Variants in CUL3 observed in about 807,000 individuals in gnomAD.
CUL3 encodes the protein cullin-3.
In CUL3, 19 loss-of-function variants were observed where a neutral mutation model predicts 89.1. The ratio of observed to expected loss-of-function variants is 0.21; its 90% CI spans 0.15 to 0.31. The LOEUF (loss-of-function observed/expected upper bound fraction) is 0.31, where lower values mean the gene tolerates loss of function less well. Among genes scored for constraint, CUL3 ranks in the 10% least tolerant of loss-of-function variants. The pLI is 1.00. For synonymous variants in CUL3, 351 were observed against 308.4 expected, an observed-to-expected ratio of 1.14 and a Z score of -1.45; for missense variants, 469 against 942.3, an observed-to-expected ratio of 0.50 and a Z score of 6.58.
chr2:224,550,448 C>G (rs1694473067), intron 2 of CUL3, among the ~76,000 whole-genome samples: 1 of 152,152 alleles, frequency 6.6e-6, no homozygotes, highest in African/African-American at 2.4e-5. Context: ...TAGGGATGTT[C>G]AACCTGTACC....
chr2:224,497,627 C>T (rs941954482), intron 12 of CUL3, 126 bp downstream of exon 12: 2 of 677,580 alleles, frequency 3.0e-6, no homozygotes, highest in Non-Finnish European at 4.9e-6. Context: ...GATTTTTAAC[C>T]TTTCTAACAT....
At chr2:224,532,195 A>C (rs923509103) in intron 3 of CUL3, among the ~76,000 whole-genome samples, 3 of 152,164 alleles carry the variant, frequency 2.0e-5, no homozygotes, top group Non-Finnish European at 4.4e-5. Context: ...CTAGAGACAC[A>C]ATTTGGGAAT....
intron 15 of CUL3, among the ~76,000 whole-genome samples, chr2:224,475,420 C>T (rs1400683627): frequency 3.9e-5 from 6 of 152,140 alleles, no homozygotes; most frequent in African/African-American, 1.4e-4. Flanking sequence ...AATAACAGAG[C>T]CAACAGAGAT....
At chr2:224,480,987 G>A (rs1365806697) in intron 14 of CUL3, among the ~76,000 whole-genome samples, 1 of 151,912 alleles carries the variant, frequency 6.6e-6, no homozygotes, top group Non-Finnish European at 1.5e-5. Flanking sequence ...GTATACATAC[G>A]AAACAAAAAG....
chr2:224,540,455 GAA>G (rs1694061786), intron 2 of CUL3, among the ~76,000 whole-genome samples: 1 of 151,236 alleles, frequency 6.6e-6, no homozygotes, highest in African/African-American at 2.4e-5. Flanking sequence ...GAAGAAGAAA[GAA>G]AGAAGAAAGA....
At chr2:224,499,106 A>T (rs955834778) in intron 11 of CUL3, among the ~76,000 whole-genome samples, 6 of 152,256 alleles carry the variant, frequency 3.9e-5, no homozygotes, top group African/African-American at 1.4e-4. Context: ...GTTTCTGTAC[A>T]ACCCACGTCA....
intron 2 of CUL3, among the ~76,000 whole-genome samples, chr2:224,553,399 A>G (rs1244100684): frequency 6.6e-6 from 1 of 152,262 alleles, no homozygotes; most frequent in Non-Finnish European, 1.5e-5. Context: ...GGCAATGATC[A>G]TTAATGACTA....
At chr2:224,478,463 C>T (rs995449466) in intron 14 of CUL3, 118 bp from the exon 15 acceptor site, 8 of 817,708 alleles carry the variant, frequency 9.8e-6, no homozygotes, top group Middle Eastern at 2.4e-4. Flanking sequence ...TCTGAATATA[C>T]ACACTTATTA....
chr2:224,493,643 C>T (rs1692064455), intron 13 of CUL3, among the ~76,000 whole-genome samples: 1 of 152,194 alleles, frequency 6.6e-6, no homozygotes, highest in African/African-American at 2.4e-5. Flanking sequence ...CTAAATTTTC[C>T]AGCAATTCCA....
chr2:224,572,684 A>T (rs1395198640), intron 1 of CUL3, among the ~76,000 whole-genome samples: 2 of 151,018 alleles, frequency 1.3e-5, no homozygotes, highest in African/African-American at 4.9e-5. Context: ...TTAACTCATA[A>T]GGGTAGAACC....
intron 15 of CUL3, among the ~76,000 whole-genome samples, 173 bp downstream of exon 15, chr2:224,478,027 T>G (rs1395753117): frequency 6.6e-6 from 1 of 152,238 alleles, no homozygotes; most frequent in Non-Finnish European, 1.5e-5. Context: ...AGTGTGCACA[T>G]ATTTGGATGT....
At chr2:224,524,393 C>T (rs1003858655) in intron 3 of CUL3, among the ~76,000 whole-genome samples, 1 of 152,158 alleles carries the variant, frequency 6.6e-6, no homozygotes, top group Non-Finnish European at 1.5e-5. Flanking sequence ...TTTACTGATA[C>T]AGCACCCTAA....
intron 15 of CUL3, among the ~76,000 whole-genome samples, chr2:224,477,268 C>T (rs1574608136): frequency 2.0e-5 from 3 of 152,168 alleles, no homozygotes; most frequent in East Asian, 3.8e-4. Flanking sequence ...CTGGTGGAAC[C>T]TAAGGATCTG....
At chr2:224,517,667 A>G (rs575805682) in intron 3 of CUL3, among the ~76,000 whole-genome samples, 2 of 152,330 alleles carry the variant, frequency 1.3e-5, no homozygotes, top group East Asian at 3.9e-4. Context: ...CCCCATTTCA[A>G]AAAGAAAACA....
chr2:224,557,573 G>A, intron 2 of CUL3, 86 bp downstream of exon 2: 1 of 900,222 alleles, frequency 1.1e-6, no homozygotes. Flanking sequence ...CCTTTAAAAA[G>A]AACACTTCCG....
At chr2:224,557,268 C>A (rs1694742211) in intron 2 of CUL3, among the ~76,000 whole-genome samples, 1 of 151,900 alleles carries the variant, frequency 6.6e-6, no homozygotes, top group African/African-American at 2.4e-5. Flanking sequence ...GTTAGTGATC[C>A]ATCTTAGAAA....
At position 224,575,928 on chromosome 2, in the gene CUL3, A is replaced by G. The variant is rs528461192; in HGVS notation, c.66+9016T>C. Among the ~76,000 whole-genome samples, 44 of 152,356 alleles carry G rather than the reference A, an allele frequency of 2.9e-4. 1 individual carries two copies. Among genetic ancestry groups the G allele is most frequent in the Admixed American group, 3.9e-4 (6 of 15,312 alleles). On this transcript the variant is annotated intron_variant, in intron 1 of 15. Coordinates refer to ENST00000264414, the MANE Select transcript of CUL3 (RefSeq NM_003590.5). ...CAGCAACACACAATAAACGTATTTT[A>G]AATTGAATAAATGAATGACTTCCAC...
At chr2:224,497,922 C>A in intron 11 of CUL3, 73 bp from the exon 12 acceptor site, 1 of 1,130,416 alleles carries the variant, frequency 8.8e-7, no homozygotes, top group Non-Finnish European at 1.3e-6. Context: ...TACAGGATAA[C>A]ATCCCTTAAA....
chr2:224,513,720 A>T, intron 4 of CUL3, 82 bp from the exon 5 acceptor site: 1 of 946,752 alleles, frequency 1.1e-6, no homozygotes, highest in Non-Finnish European at 1.6e-6. Flanking sequence ...AGTAGGTAAA[A>T]ATATCTTCAG....
Sources: allele counts gnomAD v4.1 joint callset (sites outside exome capture counted in the v4.1 genomes callset), GRCh38; gene constraint gnomAD v4.1.1; transcripts MANE v1.5; gene names NCBI Gene and HGNC (gene_info 2026-07-23, HGNC 2026-07-21).